The following CYRIB variants were observed in gnomAD, a reference collection of about 807,000 sequenced individuals.
CYRIB encodes CYFIP related Rac1 interactor B.
In CYRIB, 8 loss-of-function variants were observed where a neutral mutation model predicts 44.2. The observed-to-expected ratio is 0.18, with a 90% confidence interval of 0.11 to 0.33. The LOEUF (loss-of-function observed/expected upper bound fraction) is 0.33. CYRIB is among the 10% of genes least tolerant of loss of function. The pLI, the probability that CYRIB is intolerant of heterozygous loss-of-function variation, is 1.00. For missense variants in CYRIB, 185 were observed against 382.8 expected, an observed-to-expected ratio of 0.48 and a Z score of 4.31; for synonymous variants, 131 against 127.2, an observed-to-expected ratio of 1.03 and a Z score of -0.20.
At chr8:129,898,141 T>C (rs2069165063) in intron 2 of CYRIB, among the ~76,000 whole-genome samples, 1 of 151,906 alleles carries the variant, frequency 6.6e-6, no homozygotes, top group Admixed American at 6.5e-5. Context: ...TGTTAAACAT[T>C]ATAGGCTAAA....
chr8:129,988,011 C>G (rs886867260), intron 1 of CYRIB, among the ~76,000 whole-genome samples: 2 of 152,304 alleles, frequency 1.3e-5, no homozygotes, highest in Middle Eastern at 6.8e-3. Flanking sequence ...CGGTTGGAAC[C>G]CTGCGAGCAC....
chr8:129,951,867 C>G (rs1369802566), intron 2 of CYRIB, among the ~76,000 whole-genome samples: 1 of 152,188 alleles, frequency 6.6e-6, no homozygotes, highest in Non-Finnish European at 1.5e-5. Context: ...AGACCTAAGC[C>G]CATGACAGTA....
chr8:129,876,746 C>T (rs1450146127), intron 3 of CYRIB, among the ~76,000 whole-genome samples: 2 of 152,172 alleles, frequency 1.3e-5, no homozygotes, highest in Non-Finnish European at 2.9e-5. Flanking sequence ...GGTCACCCAA[C>T]TGCAGAGACA....
At chr8:129,858,445 C>A (rs1303937791) in intron 5 of CYRIB, among the ~76,000 whole-genome samples, 1 of 152,150 alleles carries the variant, frequency 6.6e-6, no homozygotes, top group Admixed American at 6.5e-5. Flanking sequence ...ATAAAGATGA[C>A]AAATCAGTCC....
rs1239174589 is a variant in CYRIB at position 129,855,605 on chromosome 8, TTC to T, written c.438+4_438+5del. On this transcript the variant is annotated splice_donor_5th_base_variant and intron_variant, in intron 6 of 11. Coordinates refer to ENST00000519824, the Ensembl canonical transcript of CYRIB. Reference sequence around the variant, plus strand: ...CGTAACAATCAGGGCCAATAGATAATTCTACCTTGAGTTCATCAAACCGGAGT... The same window carrying T: ...CGTAACAATCAGGGCCAATAGATAATTACCTTGAGTTCATCAAACCGGAGT... The T allele has an allele frequency of 1.7e-5, 27 of 1,613,908 alleles. No individual in the cohort carries two copies. Among genetic ancestry groups the T allele is most frequent in the Non-Finnish European group, 1.9e-5 (23 of 1,179,978 alleles).
chr8:129,976,506 A>G (rs938229297), intron 1 of CYRIB, among the ~76,000 whole-genome samples: 1 of 152,244 alleles, frequency 6.6e-6, no homozygotes, highest in African/African-American at 2.4e-5. Flanking sequence ...CAGACCTTTA[A>G]GCAAACCAAT....
chr8:129,941,039 C>G (rs1213962487), upstream of CYRIB, among the ~76,000 whole-genome samples: 1 of 152,088 alleles, frequency 6.6e-6, no homozygotes, highest in Non-Finnish European at 1.5e-5. Flanking sequence ...CTTACCTTAG[C>G]CTTTTTGTCT....
chr8:129,875,826 A>G (rs1215699219), intron 3 of CYRIB, among the ~76,000 whole-genome samples: 2 of 152,182 alleles, frequency 1.3e-5, no homozygotes, highest in Non-Finnish European at 2.9e-5. Context: ...AAAGTCTTCC[A>G]TGATGGGCCA....
At chr8:129,842,614 C>G (rs966915103) in intron 11 of CYRIB, among the ~76,000 whole-genome samples, 23 of 151,580 alleles carry the variant, frequency 1.5e-4, no homozygotes, top group Non-Finnish European at 2.8e-4. Context: ...GACTGGGGGG[C>G]AAAGGAAGAC....
chr8:129,926,246 G>A (rs2087654451), intron 1 of CYRIB, among the ~76,000 whole-genome samples: 1 of 152,140 alleles, frequency 6.6e-6, no homozygotes, highest in Non-Finnish European at 1.5e-5. Context: ...GTCCCTTTAT[G>A]CCACTTAAAA....
At chr8:129,855,449 C>T in intron 6 of CYRIB, 162 bp downstream of exon 8, 1 of 655,100 alleles carries the variant, frequency 1.5e-6, no homozygotes, top group Non-Finnish European at 2.4e-6. Context: ...TGCCATGTAT[C>T]AAAAGACCCG....
chr8:129,917,776 G>A (rs1218636675), intron 1 of CYRIB, among the ~76,000 whole-genome samples: 2 of 152,124 alleles, frequency 1.3e-5, no homozygotes, highest in Non-Finnish European at 2.9e-5. Context: ...AGAATTGCTT[G>A]AACCTGGGAA....
In CYRIB at chr8:129,967,440, C is replaced by T. The variant is rs552319051; in HGVS notation, c.-243+3503G>A. 1.4e-4 allele frequency among the ~76,000 whole-genome samples: 21 copies of T among 150,914 alleles called. 1 individual carries two copies. Among genetic ancestry groups the T allele is most frequent in the African/African-American group, 2.9e-4 (12 of 41,026 alleles). ...TGTCGCCCAGGCTGGAGTGCAGTGGCGCGATCTCGGCTCACTGCAAACTCC... is the reference window on the plus strand; with the variant it reads ...TGTCGCCCAGGCTGGAGTGCAGTGGTGCGATCTCGGCTCACTGCAAACTCC... On this transcript the variant is annotated intron_variant, in intron 2 of 14. Coordinates refer to the CYRIB transcript ENST00000401979.
At chr8:129,968,618 C>T (rs1323495948) in intron 2 of CYRIB, among the ~76,000 whole-genome samples, 3 of 152,116 alleles carry the variant, frequency 2.0e-5, no homozygotes, top group African/African-American at 4.8e-5. Flanking sequence ...AATGACTTTG[C>T]GTTCGCAGTA....
At chr8:129,925,541 T>C (rs1251478650) in intron 1 of CYRIB, among the ~76,000 whole-genome samples, 5 of 152,314 alleles carry the variant, frequency 3.3e-5, no homozygotes, top group Admixed American at 1.3e-4. Context: ...GTCCCCCTTA[T>C]ACCTACTCTT....
At chr8:129,839,752 C>T (rs1432149779) in exon 12 of CYRIB, 1 of 152,218 alleles carries the variant, frequency 6.6e-6, no homozygotes, top group South Asian at 2.1e-4. Flanking sequence ...AATTGGCCCA[C>T]AGACCGGTTT....
At chr8:129,873,828 G>A (rs1294287045) in intron 3 of CYRIB, among the ~76,000 whole-genome samples, 2 of 151,964 alleles carry the variant, frequency 1.3e-5, no homozygotes, top group Non-Finnish European at 2.9e-5. Context: ...TTTAAAAATA[G>A]AGGAGAAGAT....
chr8:129,888,614 T>C (rs1253520412), intron 2 of CYRIB, among the ~76,000 whole-genome samples: 2 of 152,176 alleles, frequency 1.3e-5, no homozygotes, highest in Non-Finnish European at 2.9e-5. Context: ...TCCTCCTCTC[T>C]ATCCCCTTCC....
At chr8:129,882,816 A>C (rs2061282556) in intron 2 of CYRIB, among the ~76,000 whole-genome samples, 1 of 152,056 alleles carries the variant, frequency 6.6e-6, no homozygotes, top group Non-Finnish European at 1.5e-5. Context: ...TATGACCACT[A>C]CCATCAGACT....
Sources: allele counts gnomAD v4.1 joint callset (sites outside exome capture counted in the v4.1 genomes callset), GRCh38; gene constraint gnomAD v4.1.1; transcripts MANE v1.5; gene names NCBI Gene and HGNC (gene_info 2026-07-23, HGNC 2026-07-21).